The following MYOF variants were observed in gnomAD, a reference collection of about 807,000 sequenced individuals.
MYOF encodes the protein myoferlin, also known as fer-1-like 3, myoferlin.
Under a neutral mutation model 284.2 loss-of-function variants are expected in MYOF, and 244 were observed. That is an observed-to-expected ratio of 0.86 (90% CI 0.77 to 0.95). MYOF has a LOEUF of 0.95. Ranked by LOEUF, MYOF falls within the 40% of genes least tolerant of loss-of-function variation. MYOF has a pLI of 0.00. For missense variants in MYOF, 2,496 were observed against 2,560.6 expected (o/e 0.97, Z 0.54); for synonymous variants, 904 against 919.7 (o/e 0.98, Z 0.31).
At chr10:93,327,354 G>A (rs2133788845) in intron 45 of MYOF, among the ~76,000 whole-genome samples, 1 of 152,214 alleles carries the variant, frequency 6.6e-6, no homozygotes, top group African/African-American at 2.4e-5. Context: ...CCTAACTTGT[G>A]GACTGCCAAT....
chr10:93,438,570 C>G (rs1048138149), intron 3 of MYOF, among the ~76,000 whole-genome samples: 1 of 152,238 alleles, frequency 6.6e-6, no homozygotes, highest in East Asian at 1.9e-4. Context: ...TCCCAGATCC[C>G]TGAGTCCGAC....
At chr10:93,339,983 G>T (rs1411975558) in intron 39 of MYOF, among the ~76,000 whole-genome samples, 170 bp downstream of exon 39, 1 of 152,168 alleles carries the variant, frequency 6.6e-6, no homozygotes, top group Admixed American at 6.5e-5. Flanking sequence ...GGAGGCTGAG[G>T]CAGGAGAATG....
intron 16 of MYOF, 50 bp downstream of exon 16, chr10:93,396,092 G>T (rs761079538): frequency 7.0e-7 from 1 of 1,432,278 alleles, no homozygotes; most frequent in Non-Finnish European, 9.6e-7. Context: ...TTCTCAGACT[G>T]GAGAAAAGTT....
At chr10:93,478,132 G>C (rs1043163938) in intron 1 of MYOF, 1 of 175,830 alleles carries the variant, frequency 5.7e-6, no homozygotes, top group Non-Finnish European at 1.1e-5. Flanking sequence ...TTTAATTTTA[G>C]AAATTAAAAA....
At chr10:93,326,142 C>T (rs895720530) in intron 45 of MYOF, among the ~76,000 whole-genome samples, 177 bp from the exon 46 acceptor site, 1 of 152,178 alleles carries the variant, frequency 6.6e-6, no homozygotes, top group Non-Finnish European at 1.5e-5. Context: ...GACCAGGAGC[C>T]CTGTCCCAAC....
At chr10:93,315,687 G>C (rs920187816) in intron 50 of MYOF, among the ~76,000 whole-genome samples, 1 of 152,116 alleles carries the variant, frequency 6.6e-6, no homozygotes, top group Non-Finnish European at 1.5e-5. Flanking sequence ...CAGGCTACAC[G>C]TCCTGGTTTA....
At chr10:93,316,622 T>C (rs1842623122) in intron 50 of MYOF, 92 bp downstream of exon 50, 2 of 1,200,134 alleles carry the variant, frequency 1.7e-6, no homozygotes, top group Non-Finnish European at 2.4e-6. Flanking sequence ...CAAAAAGTAT[T>C]GAAGATTTAA....
intron 3 of MYOF, among the ~76,000 whole-genome samples, chr10:93,450,159 C>T (rs1313564703): frequency 2.6e-5 from 4 of 151,962 alleles, no homozygotes; most frequent in African/African-American, 4.8e-5. Flanking sequence ...TTTGGGAAGC[C>T]GAGGCAGGCA....
rs1192726972 is a variant in MYOF at position 93,323,321 on chromosome 10, C to T, written c.5309G>A (p.Ser1770Asn). Residue 1770 changes from serine to asparagine, a missense_variant, in exon 47 of 54, where the codon AGT (serine) becomes AAT (asparagine). Transcript: ENST00000359263. ...GAAAGGAGGGCCTGGTGGCCCCAAA[C>T]TCTTGGGGAAAACATCCACCCACAT... Reference protein sequence around the residue: ...LQMWVDVFPKSLGPPGPPFNI... With the variant: ...LQMWVDVFPKNLGPPGPPFNI... The T allele has an allele frequency of 6.2e-7, 1 of 1,613,854 alleles. No homozygotes were observed. Among genetic ancestry groups the T allele is most frequent in the East Asian group, 2.2e-5 (1 of 44,880 alleles).
chr10:93,326,727 C>T (rs1448030256), intron 45 of MYOF, among the ~76,000 whole-genome samples: 1 of 152,182 alleles, frequency 6.6e-6, no homozygotes, highest in East Asian at 1.9e-4. Flanking sequence ...TGGGTTCAAG[C>T]GATTCTCGTG....
intron 27 of MYOF, among the ~76,000 whole-genome samples, chr10:93,362,298 T>G (rs909931934): frequency 6.6e-6 from 1 of 150,900 alleles, no homozygotes; most frequent in Non-Finnish European, 1.5e-5. Context: ...CAGGCTGGAG[T>G]GCAGTGGTGC....
At chr10:93,322,295 G>A (rs1198862127) in intron 48 of MYOF, among the ~76,000 whole-genome samples, 1 of 152,200 alleles carries the variant, frequency 6.6e-6, no homozygotes, top group African/African-American at 2.4e-5. Flanking sequence ...ACGTGGAATA[G>A]CAACAATACT....
chr10:93,347,513 C>T, intron 37 of MYOF, 104 bp downstream of exon 37: 1 of 1,083,620 alleles, frequency 9.2e-7, no homozygotes, highest in Non-Finnish European at 1.2e-6. Flanking sequence ...GATTGCGCCA[C>T]TGCAGTCCGC....
At chr10:93,427,781 A>C (rs1848663991) in intron 4 of MYOF, among the ~76,000 whole-genome samples, 1 of 152,146 alleles carries the variant, frequency 6.6e-6, no homozygotes, top group Non-Finnish European at 1.5e-5. Flanking sequence ...CTAGTTCCTT[A>C]CAAGAGACAA....
intron 20 of MYOF, 52 bp from the exon 21 acceptor site, chr10:93,380,039 C>T: frequency 1.3e-6 from 2 of 1,580,864 alleles, no homozygotes; most frequent in Non-Finnish European, 1.7e-6. Context: ...AAATAGACAG[C>T]ATGTTTATTA....
intron 38 of MYOF, among the ~76,000 whole-genome samples, chr10:93,341,405 A>G (rs1158197721): frequency 6.6e-6 from 1 of 151,782 alleles, no homozygotes; most frequent in South Asian, 2.1e-4. Context: ...CCTCCCGAGT[A>G]GCTGGGATTA....
intron 19 of MYOF, among the ~76,000 whole-genome samples, chr10:93,384,331 C>T (rs112429658): frequency 2.6e-5 from 4 of 152,254 alleles, no homozygotes; most frequent in African/African-American, 7.2e-5. Flanking sequence ...CTGCCTACAA[C>T]AAGAGAAAAT....
chr10:93,368,854 G>A (rs888851932), intron 25 of MYOF, among the ~76,000 whole-genome samples: 4 of 152,096 alleles, frequency 2.6e-5, no homozygotes, highest in African/African-American at 9.7e-5. Context: ...GGAGCATGAA[G>A]GCCTATCTGT....
chr10:93,481,638 A>G (rs1424424178), intron 1 of MYOF, among the ~76,000 whole-genome samples: 4 of 152,292 alleles, frequency 2.6e-5, no homozygotes, highest in Non-Finnish European at 5.9e-5. Context: ...TAAAACTATG[A>G]ACTTCACCCA....
Sources: gnomAD v4.1 joint callset for allele counts (sites outside exome capture counted in the v4.1 genomes callset) on GRCh38, gnomAD v4.1.1 for gene constraint, MANE v1.5 for transcripts, NCBI Gene and HGNC (gene_info 2026-07-23, HGNC 2026-07-21) for gene names.